Variants in SKI observed in about 807,000 individuals in gnomAD.
SKI encodes the protein SKI proto-oncogene, also known as ski oncogene.
A neutral mutation model predicts 59.3 loss-of-function variants in SKI; 23 were observed. The observed-to-expected ratio is 0.39, with a 90% CI of 0.28 to 0.55. The LOEUF is 0.55. Ranked by LOEUF, SKI falls within the 20% of genes least tolerant of loss-of-function variation. The pLI, the probability that SKI is intolerant of heterozygous loss-of-function variation, is 0.67. For missense variants in SKI, 1,017 were observed against 1,038.9 expected, an observed-to-expected ratio of 0.98 and a Z score of 0.29; for synonymous variants, 673 against 488.6, an observed-to-expected ratio of 1.38 and a Z score of -4.98.
chr1:2,236,637 C>T (rs1198879408), intron 1 of SKI, among the ~76,000 whole-genome samples: 2 of 152,158 alleles, frequency 1.3e-5, no homozygotes, highest in African/African-American at 2.4e-5. Context: ...CATCTCCTGA[C>T]CTCTTGATCT....
At chr1:2,237,606 A>C (rs1458088686) in intron 1 of SKI, among the ~76,000 whole-genome samples, 1 of 152,230 alleles carries the variant, frequency 6.6e-6, no homozygotes, top group Non-Finnish European at 1.5e-5. Context: ...CTGGGGGCAC[A>C]GTTGTTGCAG....
At chr1:2,306,491 G>A (rs889553263) in intron 6 of SKI, 86 bp from the exon 7 acceptor site, 3 of 1,366,124 alleles carry the variant, frequency 2.2e-6, no homozygotes, top group African/African-American at 1.4e-5. Context: ...GACAGGGAGC[G>A]GCGCAGGAGC....
chr1:2,257,543 TGAGCTC>T (rs1190892002), intron 1 of SKI, among the ~76,000 whole-genome samples: 1 of 152,162 alleles, frequency 6.6e-6, no homozygotes, highest in Non-Finnish European at 1.5e-5. Flanking sequence ...TATGTGTGCT[TGAGCTC>T]GAGACAATGC....
chr1:2,249,522 G>A (rs1464901382), intron 1 of SKI, among the ~76,000 whole-genome samples: 2 of 152,240 alleles, frequency 1.3e-5, no homozygotes, highest in African/African-American at 2.4e-5. Flanking sequence ...TGTGGTCTGA[G>A]TGGGCTGAAA....
Position 2,232,090 on chromosome 1 carries a change from C to T in SKI, c.969+2355C>T, listed in dbSNP as rs553850303. Among the ~76,000 whole-genome samples, 319 of 152,354 alleles carry T rather than the reference C, an allele frequency of 2.1e-3. 2 individuals are homozygous for T. The highest frequency in any genetic ancestry group is 0.014 in the Middle Eastern group (4 of 294). On this transcript the variant is annotated intron_variant, in intron 1 of 6. Transcript: ENST00000378536. ...CTAGAAGGAGTGGCCTGGGAGGCCC[C>T]GCCTCCGCCCTCACTGGCCGCCGTT...
intron 1 of SKI, among the ~76,000 whole-genome samples, chr1:2,277,669 C>T (rs1639773363): frequency 6.6e-6 from 1 of 152,104 alleles, no homozygotes; most frequent in Non-Finnish European, 1.5e-5. Flanking sequence ...CACACACCTG[C>T]ACTCACACAT....
chr1:2,278,930 T>C (rs1639807860), intron 1 of SKI, among the ~76,000 whole-genome samples: 1 of 152,212 alleles, frequency 6.6e-6, no homozygotes, highest in Admixed American at 6.5e-5. Flanking sequence ...CAATTTCCCA[T>C]GGTGCTGGGA....
chr1:2,234,258 G>C (rs1467002455), intron 1 of SKI, among the ~76,000 whole-genome samples: 7 of 152,158 alleles, frequency 4.6e-5, no homozygotes, highest in Non-Finnish European at 8.8e-5. Flanking sequence ...ATGGGCAGCT[G>C]CCCCCAGGTG....
Position 2,228,397 on chromosome 1 carries a change from G to A in SKI, c.-370G>A, listed in dbSNP as rs1301024937. ...GCCGGCACCTGCCCGCGCGCCCCCCGCGAGCCCCGGGCCCGCGAGCGTTGG... is the reference window on the plus strand; with the variant it reads ...GCCGGCACCTGCCCGCGCGCCCCCCACGAGCCCCGGGCCCGCGAGCGTTGG... On this transcript the variant is annotated 5_prime_UTR_variant, in exon 1 of 7. Transcript: ENST00000378536. Among the ~76,000 whole-genome samples, 1 of 139,830 alleles carries A rather than the reference G, an allele frequency of 7.2e-6. No individual in the cohort carries two copies. The highest frequency in any genetic ancestry group is 1.6e-5 in the Non-Finnish European group (1 of 63,750). The allele number at this position is 139,830 out of a possible 152,430, so 91.7% of individuals were successfully genotyped here. A position where few individuals can be genotyped will look rare whatever the true frequency, so the allele number is the denominator to read the frequency against.
rs1248926232 is a variant in SKI, at chr1:2,309,529, C to A, written c.*2764C>A. On this transcript the variant is annotated 3_prime_UTR_variant, in exon 7 of 7. Transcript: ENST00000378536. ...CCTTTTTCAGAAACTCTTTTCTTAC[C>A]TGAGAGTTGTCTTGTTTTCTGGGCT... 4 of 152,046 alleles carry A rather than the reference C, an allele frequency of 2.6e-5. No individual in the cohort carries two copies. The highest frequency in any genetic ancestry group is 9.7e-5 in the African/African-American group (4 of 41,354). The allele number at this position is 152,046 out of a possible 1,614,324, so 9.4% of individuals were successfully genotyped here. A position where few individuals can be genotyped will look rare whatever the true frequency, so the allele number is the denominator to read the frequency against.
At chr1:2,254,712 C>A (rs1314663341) in intron 1 of SKI, among the ~76,000 whole-genome samples, 5 of 152,010 alleles carry the variant, frequency 3.3e-5, no homozygotes, top group Admixed American at 3.3e-4. Context: ...ACAGTCTTGG[C>A]CAGACTGTGG....
At chr1:2,272,782 A>G (rs2100857128) in intron 1 of SKI, among the ~76,000 whole-genome samples, 1 of 152,098 alleles carries the variant, frequency 6.6e-6, no homozygotes, top group East Asian at 1.9e-4. Context: ...GCCCCGGCCT[A>G]TGTGTGCTGA....
At position 2,267,444 on chromosome 1, in the gene SKI, C is replaced by T. The variant is rs973143882; in HGVS notation, c.970-35534C>T. Among the ~76,000 whole-genome samples the T allele has an allele frequency of 6.6e-6, 1 of 152,230 alleles. No individual in the cohort carries two copies. Among genetic ancestry groups the T allele is most frequent in the East Asian group, 1.9e-4 (1 of 5,200 alleles). On this transcript the variant is annotated intron_variant, in intron 1 of 6. Transcript: ENST00000378536. The surrounding 1 kb of genome is among the most constrained non-coding windows in gnomAD (Gnocchi z 4.1). Reference sequence around the variant, plus strand: ...AGGTGCGACAGGAATGTCCCACGTCCTCTCGTGTGCTGTCGGGAGACAAAC... The same window carrying T: ...AGGTGCGACAGGAATGTCCCACGTCTTCTCGTGTGCTGTCGGGAGACAAAC...
At chr1:2,241,487 G>A (rs1478030888) in intron 1 of SKI, among the ~76,000 whole-genome samples, 1 of 152,096 alleles carries the variant, frequency 6.6e-6, no homozygotes, top group Non-Finnish European at 1.5e-5. Flanking sequence ...CTGTCTCCCG[G>A]GTTCACGCCA....
chr1:2,301,739 A>G (rs1344320076), intron 1 of SKI, among the ~76,000 whole-genome samples: 2 of 152,238 alleles, frequency 1.3e-5, no homozygotes, highest in East Asian at 1.9e-4. Flanking sequence ...TCTGTCCACC[A>G]AGGCTTCCTG....
At chr1:2,284,242 C>T (rs1439760293) in intron 1 of SKI, among the ~76,000 whole-genome samples, 1 of 152,180 alleles carries the variant, frequency 6.6e-6, no homozygotes, top group Non-Finnish European at 1.5e-5. Flanking sequence ...CCTCAGGTTG[C>T]TGCCCTGCCT....
Position 2,307,814 on chromosome 1 carries a change from T to TCCGAAGTGCTC in SKI, c.*1050_*1060dup, listed in dbSNP as rs1640635668. On this transcript the variant is annotated 3_prime_UTR_variant, in exon 7 of 7. Coordinates refer to ENST00000378536, the MANE Select transcript of SKI (RefSeq NM_003036.4). ...TTTACCGATTTATAGAGCAGTCAAA[T>TCCGAAGTGCTC]CCGAAGTGCTCGAGTGCTTAGAAAC... 6.6e-6 allele frequency: 1 copy of TCCGAAGTGCTC among 152,550 alleles called. No individual in the cohort carries two copies. Among genetic ancestry groups the TCCGAAGTGCTC allele is most frequent in the African/African-American group, 2.4e-5 (1 of 41,436 alleles). The allele number at this position is 152,550 out of a possible 1,614,324, so 9.4% of individuals were successfully genotyped here.
At chr1:2,253,626 G>A (rs1055788371) in intron 1 of SKI, among the ~76,000 whole-genome samples, 10 of 152,198 alleles carry the variant, frequency 6.6e-5, no homozygotes, top group Non-Finnish European at 1.2e-4. Context: ...TTCCCAGCGC[G>A]TGTGCACTTA....
At chr1:2,301,251 C>G (rs527247294) in intron 1 of SKI, among the ~76,000 whole-genome samples, 2 of 152,208 alleles carry the variant, frequency 1.3e-5, no homozygotes, top group Admixed American at 6.5e-5. Flanking sequence ...CGGTCAGGGC[C>G]TCCGCCAGAC....
Sources: allele counts gnomAD v4.1 joint callset (sites outside exome capture counted in the v4.1 genomes callset), GRCh38; gene constraint gnomAD v4.1.1; non-coding constraint Gnocchi (gnomAD v3.1); transcripts MANE v1.5; gene names NCBI Gene and HGNC (gene_info 2026-07-23, HGNC 2026-07-21).